BACE2: variants seen among roughly 807,000 people sequenced by gnomAD.
BACE2 encodes the protein 56 kDa aspartic-like protease.
BACE2 carries 17 observed loss-of-function variants against 46.2 expected under a neutral mutation model. The observed-to-expected ratio is 0.37, with a 90% CI of 0.25 to 0.55. The LOEUF is 0.55. Among genes scored for constraint, BACE2 ranks in the 20% least tolerant of loss-of-function variants. The pLI, the probability that BACE2 is intolerant of heterozygous loss-of-function variation, is 0.82. For missense variants in BACE2, 595 were observed against 698.1 expected (o/e 0.85, Z 1.66); for synonymous variants, 277 against 295.9 (o/e 0.94, Z 0.66).
chr21:41,251,779 G>A (rs976762290), intron 7 of BACE2, among the ~76,000 whole-genome samples: 5 of 151,728 alleles, frequency 3.3e-5, no homozygotes, highest in Non-Finnish European at 5.9e-5. Context: ...GCAGCCTGGC[G>A]ACAGAGTGAG....
chr21:41,210,853 G>A (rs1467295651), intron 1 of BACE2, among the ~76,000 whole-genome samples: 1 of 152,148 alleles, frequency 6.6e-6, no homozygotes, highest in African/African-American at 2.4e-5. Flanking sequence ...CGTGCATCAG[G>A]ACCACCTTCA....
chr21:41,232,722 T>C (rs1466283420), intron 2 of BACE2, among the ~76,000 whole-genome samples: 1 of 152,168 alleles, frequency 6.6e-6, no homozygotes, highest in Non-Finnish European at 1.5e-5. Flanking sequence ...GGAAGCTTCC[T>C]GAGGCCTCAC....
intron 1 of BACE2, chr21:41,184,967 G>A (rs1985318209): frequency 6.0e-6 from 1 of 166,964 alleles, no homozygotes; most frequent in Middle Eastern, 3.1e-3. Flanking sequence ...CATCTAACTT[G>A]TATTTAACCC....
At chr21:41,201,971 T>C (rs996682619) in intron 1 of BACE2, among the ~76,000 whole-genome samples, 3 of 152,220 alleles carry the variant, frequency 2.0e-5, no homozygotes, top group African/African-American at 7.2e-5. Context: ...AGGCCTGGTG[T>C]TGGATGAACA....
chr21:41,222,196 A>C (rs1450783221), intron 1 of BACE2, among the ~76,000 whole-genome samples: 1 of 152,122 alleles, frequency 6.6e-6, no homozygotes, highest in African/African-American at 2.4e-5. Context: ...GAAATAAGCT[A>C]ATGGATATAG....
At chr21:41,170,716 T>C (rs759908895) in intron 1 of BACE2, among the ~76,000 whole-genome samples, 10 of 152,232 alleles carry the variant, frequency 6.6e-5, no homozygotes, top group Non-Finnish European at 1.3e-4. Flanking sequence ...TCTCTGCTGA[T>C]TCTCTGAAGC....
At position 41,245,922 on chromosome 21, in the gene BACE2, C is replaced by T. The variant is rs753895180; in HGVS notation, c.883-40C>T. ...GAGCCACGTGGGGCGGGGAGCGCCACTGTCACTCACGCACCTTTCCCTTTC... is the reference window on the plus strand; with the variant it reads ...GAGCCACGTGGGGCGGGGAGCGCCATTGTCACTCACGCACCTTTCCCTTTC... On this transcript the variant is annotated intron_variant, in intron 5 of 8. Coordinates refer to ENST00000330333, the MANE Select transcript of BACE2 (RefSeq NM_012105.5). 7 of 1,505,840 alleles carry T rather than the reference C, an allele frequency of 4.6e-6. No homozygotes were observed. The South Asian group carries it at 7.3e-5, about 16-fold the overall frequency. 93.3% of individuals were successfully genotyped at this position (1,505,840 alleles called of 1,614,324 possible). A position where few individuals can be genotyped will look rare whatever the true frequency, so the allele number is the denominator to read the frequency against.
chr21:41,168,664 C>A lies in BACE2; in HGVS notation c.312+89C>A, dbSNP rs1394226604. 2.8e-6 allele frequency: 3 copies of A among 1,067,222 alleles called. No individual in the cohort carries two copies. In the African/African-American group the frequency reaches 4.9e-5, roughly 18 times the overall value. The allele number at this position is 1,067,222 out of a possible 1,614,324, so 66.1% of individuals were successfully genotyped here. A position where few individuals can be genotyped will look rare whatever the true frequency, so the allele number is the denominator to read the frequency against. ...GACGCCTCCACGCGGCTTAGCGTCG[C>A]CCCCAAAGCAGCAGCTGTCCCCGCA... On this transcript the variant is annotated intron_variant, in intron 1 of 8. Coordinates refer to ENST00000330333, the MANE Select transcript of BACE2 (RefSeq NM_012105.5).
chr21:41,244,841 T>C (rs1410356116), intron 5 of BACE2, among the ~76,000 whole-genome samples: 1 of 151,996 alleles, frequency 6.6e-6, no homozygotes, highest in Non-Finnish European at 1.5e-5. Context: ...AATGTCCGAA[T>C]GTAAAACAAA....
intron 1 of BACE2, chr21:41,178,684 T>C (rs1290059408): frequency 1.2e-5 from 2 of 163,140 alleles, no homozygotes; most frequent in African/African-American, 4.8e-5. Flanking sequence ...CTGCAATGAA[T>C]TACGATTGTG....
chr21:41,183,225 T>A (rs1985211224), intron 1 of BACE2: 1 of 166,190 alleles, frequency 6.0e-6, no homozygotes, highest in Admixed American at 6.5e-5. Flanking sequence ...AAAGCCATTT[T>A]AACCATTTTA....
rs1480763282 is a variant in BACE2, at chr21:41,275,685, G to T, written c.*61G>T. On this transcript the variant is annotated 3_prime_UTR_variant, in exon 9 of 9. Transcript: ENST00000330333. ...GCTATTAAGAAAATCACATTTCCAG[G>T]GCAGCAGCCGGGATCGATGGTGGCG... 2.6e-5 allele frequency: 41 copies of T among 1,581,124 alleles called. No individual in the cohort carries two copies. The highest frequency in any genetic ancestry group is 3.4e-5 in the Non-Finnish European group (40 of 1,163,214).
chr21:41,246,187 T>C, intron 6 of BACE2, 124 bp downstream of exon 6: 1 of 551,966 alleles, frequency 1.8e-6, no homozygotes. Context: ...TTTCATATTG[T>C]GTATTTGTAT....
chr21:41,224,925 C>T (rs993511042), intron 1 of BACE2, among the ~76,000 whole-genome samples: 1 of 152,178 alleles, frequency 6.6e-6, no homozygotes, highest in Admixed American at 6.5e-5. Context: ...CAGCAATTTT[C>T]TTTAAAACAG....
intron 1 of BACE2, among the ~76,000 whole-genome samples, chr21:41,187,067 TC>T (rs1440975722): frequency 1.3e-5 from 2 of 152,168 alleles, no homozygotes; most frequent in African/African-American, 4.8e-5. Context: ...TGGAATCAAG[TC>T]CCGCCTCCTG....
chr21:41,242,106 T>A (rs1987311176), intron 4 of BACE2, among the ~76,000 whole-genome samples, 159 bp downstream of exon 4: 1 of 152,154 alleles, frequency 6.6e-6, no homozygotes, highest in Non-Finnish European at 1.5e-5. Flanking sequence ...TAGAAATGGC[T>A]AAAATTAGGC....
chr21:41,192,350 C>T (rs1048718411), intron 1 of BACE2, among the ~76,000 whole-genome samples: 17 of 152,182 alleles, frequency 1.1e-4, no homozygotes, highest in African/African-American at 4.1e-4. Context: ...CTTACTTGTG[C>T]CTTCAGGATC....
At chr21:41,240,570 G>A (rs941356946) in intron 3 of BACE2, among the ~76,000 whole-genome samples, 5 of 152,224 alleles carry the variant, frequency 3.3e-5, no homozygotes, top group Non-Finnish European at 5.9e-5. Flanking sequence ...CGGCTGGCAA[G>A]TGGCAGAGCC....
At chr21:41,233,532 T>C (rs1987025915) in intron 2 of BACE2, among the ~76,000 whole-genome samples, 1 of 152,248 alleles carries the variant, frequency 6.6e-6, no homozygotes, top group Admixed American at 6.5e-5. Flanking sequence ...GAAGACATGC[T>C]AAATAGATAT....
Sources: allele counts gnomAD v4.1 joint callset (sites outside exome capture counted in the v4.1 genomes callset), GRCh38; gene constraint gnomAD v4.1.1; transcripts MANE v1.5; gene names NCBI Gene and HGNC (gene_info 2026-07-23, HGNC 2026-07-21).